The following CWF19L1 variants were observed in gnomAD, a reference collection of about 807,000 sequenced individuals.
CWF19L1 encodes the protein CWF19 like cell cycle control factor 1.
A neutral mutation model predicts 69.7 loss-of-function variants in CWF19L1; 60 were observed. The observed-to-expected ratio is 0.86, with a 90% CI of 0.70 to 1.07. The LOEUF (loss-of-function observed/expected upper bound fraction) is 1.07, where lower values mean the gene tolerates loss of function less well. Among genes scored for constraint, CWF19L1 ranks in the 50% least tolerant of loss-of-function variants. The pLI, the probability that CWF19L1 is intolerant of heterozygous loss-of-function variation, is 0.00. For synonymous variants in CWF19L1, 209 were observed against 222.2 expected, an observed-to-expected ratio of 0.94 and a Z score of 0.53; for missense variants, 591 against 638.9, an observed-to-expected ratio of 0.92 and a Z score of 0.81.
At chr10:100,235,821 T>C (rs1449613013) in intron 12 of CWF19L1, 57 bp from the exon 13 acceptor site, 1 of 1,212,594 alleles carries the variant, frequency 8.2e-7, no homozygotes, top group Non-Finnish European at 1.2e-6. Context: ...ATCTATAATC[T>C]GAGTTCATCT....
At chr10:100,258,924 C>T (rs868728922) in intron 4 of CWF19L1, among the ~76,000 whole-genome samples, 1 of 148,950 alleles carries the variant, frequency 6.7e-6, no homozygotes, top group African/African-American at 2.5e-5. Flanking sequence ...AAAAAAAAGC[C>T]GAGCACAGTG....
intron 6 of CWF19L1, among the ~76,000 whole-genome samples, chr10:100,251,505 C>CTTTTTTTTTTTTT (rs1208146959): frequency 4.5e-5 from 4 of 88,308 alleles, no homozygotes; most frequent in East Asian, 3.4e-4. Context: ...GTCTATTGGC[C>CTTTTTTTTTTTTT]TTTTTTTTTT....
chr10:100,260,899 T>C (rs931833648), intron 3 of CWF19L1, 67 bp downstream of exon 3: 106 of 955,780 alleles, frequency 1.1e-4, no homozygotes, highest in Non-Finnish European at 1.6e-4. Context: ...GAAAAACAAC[T>C]CTGCAAGAAC....
At position 100,232,989 on chromosome 10, in the gene CWF19L1, AT is replaced by A; in HGVS notation, c.*237del. ...GGAGACCCTCCTGTCTCTATAAAAAATCAAAAAAGTTTGCCAGGCATGGTAG... is the reference window on the plus strand; with the variant it reads ...GGAGACCCTCCTGTCTCTATAAAAAACAAAAAAGTTTGCCAGGCATGGTAG... On this transcript the variant is annotated 3_prime_UTR_variant, in exon 14 of 14. Transcript: ENST00000354105. The A allele has an allele frequency of 3.3e-6, 1 of 298,626 alleles. No individual in the cohort carries two copies. Among genetic ancestry groups the A allele is most frequent in the Non-Finnish European group, 6.1e-6 (1 of 162,908 alleles). The allele number at this position is 298,626 out of a possible 1,614,324, so 18.5% of individuals were successfully genotyped here. A position where few individuals can be genotyped will look rare whatever the true frequency, so the allele number is the denominator to read the frequency against.
At chr10:100,239,029 A>T (rs926570320) in intron 10 of CWF19L1, among the ~76,000 whole-genome samples, 2 of 151,142 alleles carry the variant, frequency 1.3e-5, no homozygotes, top group African/African-American at 4.9e-5. Flanking sequence ...CTCACAAAAA[A>T]AGCTAAGATG....
chr10:100,264,609 C>CA (rs34568805), intron 1 of CWF19L1, among the ~76,000 whole-genome samples: 1,650 of 100,508 alleles, frequency 0.016, 18 homozygotes, highest in Middle Eastern at 0.05. Context: ...CCTACGTATT[C>CA]AAAAAAAAAA....
Position 100,235,744 on chromosome 10 carries a change from T to C in CWF19L1, c.1395A>G (p.Ala465=). 6.2e-7 allele frequency: 1 copy of C among 1,611,556 alleles called. No homozygotes were observed. Among genetic ancestry groups the C allele is most frequent in the African/African-American group, 1.3e-5 (1 of 75,050 alleles). ...DIKQIAQPGA[A]YFYVELDTGE... Reference sequence around the variant, plus strand: ...CTGTGTCAAGTTCAACATAAAAATATGCTGCTCCTGGCTGTGCAATCTAAA... The same window carrying C: ...CTGTGTCAAGTTCAACATAAAAATACGCTGCTCCTGGCTGTGCAATCTAAA... Residue 465 remains alanine, a synonymous_variant, in exon 13 of 14, where the codon GCA becomes GCG. Transcript: ENST00000354105.
In CWF19L1 at chr10:100,256,473, C is replaced by G; in HGVS notation, c.293G>C (p.Arg98Pro). The G allele has an allele frequency of 6.2e-7, 1 of 1,613,942 alleles. No individual in the cohort carries two copies. Among genetic ancestry groups the G allele is most frequent in the South Asian group, 1.1e-5 (1 of 91,084 alleles). The change falls in exon 5 of 14, where the codon CGT (arginine) becomes CCT (proline). Residue 98 changes from arginine (R) to proline (P), a missense_variant. This residue lies in a region of CWF19L1 where 129 missense variants were observed against 131.3 expected (regional missense o/e 0.98). Coordinates refer to ENST00000354105, the MANE Select transcript of CWF19L1 (RefSeq NM_018294.6). ...ELAENITYLGRKGIFTGSSGL... is the reference protein window; with the variant it reads ...ELAENITYLGPKGIFTGSSGL... ...CGAGCTTCCAGTGAAGATACCTTTA[C>G]GACCTGGGTTCAAAGAAAAATGAAC...
intron 12 of CWF19L1, among the ~76,000 whole-genome samples, chr10:100,236,111 T>TC (rs1846427319): frequency 6.8e-6 from 1 of 147,918 alleles, no homozygotes; most frequent in Non-Finnish European, 1.5e-5. Flanking sequence ...CTTTTTTTTT[T>TC]TTTTTTTTTT....
At chr10:100,260,187 CAA>C in intron 4 of CWF19L1, 29 bp downstream of exon 4, 8 of 1,303,690 alleles carry the variant, frequency 6.1e-6, no homozygotes, top group Non-Finnish European at 7.4e-6. Context: ...AAACAAAAAA[CAA>C]AAAAAAAATA....
chr10:100,249,601 C>T (rs1846954389), intron 7 of CWF19L1, among the ~76,000 whole-genome samples: 1 of 151,594 alleles, frequency 6.6e-6, no homozygotes, highest in Admixed American at 6.6e-5. Context: ...TTTTTGTTTC[C>T]CGAGACAGAG....
In CWF19L1 at chr10:100,260,970, C is replaced by T; in HGVS notation, c.183G>A (p.Lys61=). The T allele has an allele frequency of 1.3e-6, 2 of 1,598,396 alleles. No individual in the cohort carries two copies. The highest frequency in any genetic ancestry group is 1.7e-6 in the Non-Finnish European group (2 of 1,169,124). ...AEWEEYKTGI[K]KAPIQTYVLG... ...AAATAAAAATAATTTCTATACCTTT[C>T]TTGATGCCAGTCTTATACTCCTCCC... is the stretch of plus-strand genomic sequence containing the variant. The change falls in exon 3 of 14, where the codon AAG becomes AAA. Residue 61 remains lysine, a synonymous_variant. Coordinates refer to ENST00000354105, the MANE Select transcript of CWF19L1 (RefSeq NM_018294.6).
At chr10:100,257,272 T>C (rs1564860658) in intron 4 of CWF19L1, among the ~76,000 whole-genome samples, 2 of 150,254 alleles carry the variant, frequency 1.3e-5, no homozygotes, top group Admixed American at 1.3e-4. Context: ...GAGTCATCCA[T>C]GCTAAGTGCT....
At chr10:100,248,840 G>C in intron 7 of CWF19L1, 1 of 1,231,692 alleles carries the variant, frequency 8.1e-7, no homozygotes, top group Non-Finnish European at 1.2e-6. Flanking sequence ...GAAGCAGAGA[G>C]CACCAGATTT....
intron 1 of CWF19L1, among the ~76,000 whole-genome samples, chr10:100,266,664 C>T (rs1204734171): frequency 4.8e-5 from 7 of 144,400 alleles, no homozygotes; most frequent in Admixed American, 3.4e-4. Context: ...TACAGGCACG[C>T]GCCACCACGC....
chr10:100,248,994 C>T (rs931890507), intron 7 of CWF19L1: 9 of 664,112 alleles, frequency 1.4e-5, no homozygotes, highest in African/African-American at 3.5e-5. Flanking sequence ...CTGTGGAGGA[C>T]ATCACATTCC....
At chr10:100,250,196 T>G in intron 7 of CWF19L1, 52 bp downstream of exon 7, 1 of 1,197,080 alleles carries the variant, frequency 8.4e-7, no homozygotes. Flanking sequence ...AGAGATACAT[T>G]TATCAGGCAG....
chr10:100,262,665 G>C (rs1439910073), intron 1 of CWF19L1, among the ~76,000 whole-genome samples: 1 of 152,258 alleles, frequency 6.6e-6, no homozygotes, highest in East Asian at 1.9e-4. Flanking sequence ...TAAGAAAAGG[G>C]CTACAACAGA....
intron 13 of CWF19L1, among the ~76,000 whole-genome samples, chr10:100,234,928 AG>A (rs1846383376): frequency 6.6e-6 from 1 of 152,222 alleles, no homozygotes; most frequent in Non-Finnish European, 1.5e-5. Context: ...GAGGTCCAAC[AG>A]GCCTGGGTTT....
Sources: allele counts gnomAD v4.1 joint callset (sites outside exome capture counted in the v4.1 genomes callset), GRCh38; gene constraint gnomAD v4.1.1; regional missense constraint gnomAD v4.1.1; transcripts MANE v1.5; gene names NCBI Gene and HGNC (gene_info 2026-07-23, HGNC 2026-07-21).